Variants in HECW1 observed in about 807,000 individuals in gnomAD.
The protein encoded by HECW1 is HECT, C2 and WW domain containing E3 ubiquitin protein ligase 1.
A neutral mutation model predicts 182.3 loss-of-function variants in HECW1; 61 were observed. The observed-to-expected ratio is 0.33, with a 90% CI of 0.27 to 0.41. HECW1 has a LOEUF of 0.41. HECW1 is among the 10% of genes least tolerant of loss of function. The probability of loss-of-function intolerance (pLI) is 1.00; values close to 1 mark genes in which losing one functional copy is unlikely to be tolerated. For synonymous variants in HECW1, 859 were observed against 832.6 expected, an observed-to-expected ratio of 1.03 and a Z score of -0.55; for missense variants, 1,739 against 2,108.9, an observed-to-expected ratio of 0.82 and a Z score of 3.44.
At chr7:43,338,411 C>G (rs1239027060) in intron 5 of HECW1, among the ~76,000 whole-genome samples, 1 of 151,852 alleles carries the variant, frequency 6.6e-6, no homozygotes. Context: ...TTTTCTTGAT[C>G]CTCTATATAT....
At chr7:43,380,511 A>AT (rs1192062812) in intron 6 of HECW1, among the ~76,000 whole-genome samples, 2 of 151,888 alleles carry the variant, frequency 1.3e-5, no homozygotes. Context: ...ATTTTTATAC[A>AT]TTTTTTTGGT....
chr7:43,273,540 A>G (rs1233258997), intron 3 of HECW1, among the ~76,000 whole-genome samples: 1 of 152,192 alleles, frequency 6.6e-6, no homozygotes, highest in Non-Finnish European at 1.5e-5. Context: ...AAACTTTAAG[A>G]TATATTTCCT....
intron 13 of HECW1, among the ~76,000 whole-genome samples, chr7:43,457,899 G>T (rs759769043): frequency 6.6e-6 from 1 of 152,120 alleles, no homozygotes; most frequent in African/African-American, 2.4e-5. Flanking sequence ...TTGCCTGAGC[G>T]TTTGGAAGAC....
chr7:43,499,768 A>G (rs1431331317), intron 19 of HECW1, among the ~76,000 whole-genome samples: 1 of 152,220 alleles, frequency 6.6e-6, no homozygotes, highest in African/African-American at 2.4e-5. Context: ...TGGTGTTTGT[A>G]ATATTTGAGT....
intron 16 of HECW1, among the ~76,000 whole-genome samples, chr7:43,477,349 A>G (rs1345856252): frequency 6.6e-6 from 1 of 152,226 alleles, no homozygotes; most frequent in African/African-American, 2.4e-5. Flanking sequence ...ATTGCCACAG[A>G]TACACAAATA....
At chr7:43,286,745 C>G (rs1804688296) in intron 3 of HECW1, among the ~76,000 whole-genome samples, 1 of 152,152 alleles carries the variant, frequency 6.6e-6, no homozygotes, top group African/African-American at 2.4e-5. Context: ...CACCTTATAA[C>G]TACTAAAAAG....
At chr7:43,451,802 C>A (rs770513916) in intron 12 of HECW1, among the ~76,000 whole-genome samples, 9 of 152,114 alleles carry the variant, frequency 5.9e-5, no homozygotes, top group Admixed American at 1.3e-4. Context: ...ATTTTTCAAG[C>A]AAAGATAGTA....
intron 3 of HECW1, among the ~76,000 whole-genome samples, chr7:43,249,876 T>C (rs2152725512): frequency 6.6e-6 from 1 of 152,252 alleles, no homozygotes; most frequent in African/African-American, 2.4e-5. Flanking sequence ...CTCATGCCTG[T>C]TTGCACTGTG....
rs540667564 is a variant in HECW1 at position 43,564,608 on chromosome 7, C to G, written c.*2682C>G. ...CATGAAGAAATGCTGATGTCACGGTCACCTGAAAGAAGATGAAGCTTGTAA... is the reference window on the plus strand; with the variant it reads ...CATGAAGAAATGCTGATGTCACGGTGACCTGAAAGAAGATGAAGCTTGTAA... On this transcript the variant is annotated 3_prime_UTR_variant, in exon 30 of 30. Transcript: ENST00000395891. The G allele has an allele frequency of 5.5e-6, 1 of 183,452 alleles. No individual in the cohort carries two copies. Among genetic ancestry groups the G allele is most frequent in the South Asian group, 2.0e-4 (1 of 5,076 alleles). The allele number at this position is 183,452 out of a possible 1,614,324, so 11.4% of individuals were successfully genotyped here.
chr7:43,198,731 A>G (rs1322055343), intron 2 of HECW1, among the ~76,000 whole-genome samples: 1 of 148,690 alleles, frequency 6.7e-6, no homozygotes, highest in Non-Finnish European at 1.5e-5. Flanking sequence ...GCACACTCTC[A>G]CACCCCACAC....
chr7:43,216,065 C>G (rs551113627), intron 2 of HECW1, among the ~76,000 whole-genome samples: 1 of 152,184 alleles, frequency 6.6e-6, no homozygotes, highest in Non-Finnish European at 1.5e-5. Context: ...CCTATTCTGT[C>G]TGTCATTTTA....
chr7:43,221,572 T>G (rs890222289), intron 2 of HECW1, among the ~76,000 whole-genome samples: 4 of 76,596 alleles, frequency 5.2e-5, no homozygotes, highest in African/African-American at 2.8e-4. Context: ...TTTTTTTTTT[T>G]TTTTTTTGGG....
At chr7:43,349,148 C>A (rs1403530686) in intron 5 of HECW1, among the ~76,000 whole-genome samples, 2 of 152,178 alleles carry the variant, frequency 1.3e-5, no homozygotes, top group Non-Finnish European at 2.9e-5. Flanking sequence ...GATTCTCCTG[C>A]CTCAGCCTAC....
In HECW1 at chr7:43,509,073, C is replaced by A; in HGVS notation, c.3971C>A (p.Thr1324Lys). The A allele has an allele frequency of 6.2e-7, 1 of 1,614,096 alleles. No homozygotes were observed. Among genetic ancestry groups the A allele is most frequent in the Non-Finnish European group, 8.5e-7 (1 of 1,179,944 alleles). The change falls in exon 24 of 30, where the codon ACG becomes AAG. Residue 1324 changes from threonine to lysine, a missense_variant. Around this residue, in one of 5 missense-constraint regions of HECW1, gnomAD observed 420 missense variants for 595.7 expected, o/e 0.71. Transcript: ENST00000395891. ...LFEYSANDTY[T>K]VQISPMSAFV... ...GAGTACTCGGCAAATGATACTTACACGGTGCAGATCAGCCCCATGTCCGCA... is the reference window on the plus strand; with the variant it reads ...GAGTACTCGGCAAATGATACTTACAAGGTGCAGATCAGCCCCATGTCCGCA...
At position 43,448,621 on chromosome 7, in the gene HECW1, A is replaced by G. The variant is rs1479395833; in HGVS notation, c.2399-2207A>G. On this transcript the variant is annotated intron_variant, in intron 11 of 29. Coordinates refer to ENST00000395891, the MANE Select transcript of HECW1 (RefSeq NM_015052.5). ...GGTTCTTCCAGGCAGACAAGCAGTG[A>G]GGGTAACTGTTTATATTATGTTGTA... 3.9e-5 allele frequency among the ~76,000 whole-genome samples: 6 copies of G among 152,208 alleles called. No homozygotes were observed. In the East Asian group the frequency reaches 1.2e-3, roughly 29 times the overall value.
At chr7:43,216,763 T>A (rs1467501644) in intron 2 of HECW1, among the ~76,000 whole-genome samples, 1 of 152,036 alleles carries the variant, frequency 6.6e-6, no homozygotes, top group Non-Finnish European at 1.5e-5. Flanking sequence ...CAAGTGATTC[T>A]CCTGCTTCAG....
chr7:43,143,391 T>G (rs1788375437), intron 2 of HECW1, among the ~76,000 whole-genome samples: 1 of 151,940 alleles, frequency 6.6e-6, no homozygotes, highest in Non-Finnish European at 1.5e-5. Flanking sequence ...TCAAGCAATC[T>G]TCCCACCTCA....
At chr7:43,527,016 G>T (rs1297923689) in intron 24 of HECW1, among the ~76,000 whole-genome samples, 1 of 152,134 alleles carries the variant, frequency 6.6e-6, no homozygotes, top group African/African-American at 2.4e-5. Context: ...AATTTTTGAG[G>T]CTATAGCAGG....
chr7:43,453,309 A>G (rs2077295440), intron 12 of HECW1, among the ~76,000 whole-genome samples: 1 of 152,296 alleles, frequency 6.6e-6, no homozygotes, highest in East Asian at 1.9e-4. Flanking sequence ...GATTCTGGAC[A>G]TATATTTTAA....
Sources: allele counts gnomAD v4.1 joint callset (sites outside exome capture counted in the v4.1 genomes callset), GRCh38; gene constraint gnomAD v4.1.1; regional missense constraint gnomAD v4.1.1; transcripts MANE v1.5; gene names NCBI Gene and HGNC (gene_info 2026-07-23, HGNC 2026-07-21).